The following ANKRD36C variants were observed in gnomAD, a reference collection of about 807,000 sequenced individuals.
ANKRD36C encodes ankyrin repeat domain 36C.
Under a neutral mutation model 276.4 loss-of-function variants are expected in ANKRD36C, and 61 were observed. The observed-to-expected ratio is 0.22, with a 90% CI of 0.18 to 0.27. The LOEUF (loss-of-function observed/expected upper bound fraction) is 0.27. ANKRD36C is among the 10% of genes least tolerant of loss of function. The pLI, the probability that ANKRD36C is intolerant of heterozygous loss-of-function variation, is 1.00. For synonymous variants in ANKRD36C, 483 were observed against 680.1 expected, an observed-to-expected ratio of 0.71 and a Z score of 4.51; for missense variants, 1,447 against 2,032.3, an observed-to-expected ratio of 0.71 and a Z score of 5.54.
chr2:95,904,430 T>TA (rs1297879227), intron 42 of ANKRD36C, among the ~76,000 whole-genome samples: 1 of 140,482 alleles, frequency 7.1e-6, no homozygotes, highest in Non-Finnish European at 1.5e-5. Flanking sequence ...GTAAAATCGA[T>TA]ACTTCCTCTC....
At chr2:95,984,243 A>C (rs1248093422) in intron 3 of ANKRD36C, among the ~76,000 whole-genome samples, 1 of 151,752 alleles carries the variant, frequency 6.6e-6, no homozygotes, top group Non-Finnish European at 1.5e-5. Flanking sequence ...GAGGCAAGGG[A>C]GATGACCTGA....
chr2:95,864,602 A>G (rs1675647449), intron 60 of ANKRD36C, among the ~76,000 whole-genome samples: 3 of 152,098 alleles, frequency 2.0e-5, no homozygotes, highest in African/African-American at 7.2e-5. Flanking sequence ...AAGTTTAAAA[A>G]AAGAAATAAA....
intron 13 of ANKRD36C, among the ~76,000 whole-genome samples, chr2:95,956,165 A>C (rs1214651554): frequency 6.6e-6 from 1 of 152,132 alleles, no homozygotes; most frequent in African/African-American, 2.4e-5. Context: ...TTATCATAAC[A>C]TGGTCTATAT....
chr2:95,858,339 T>G (rs1010049418), intron 61 of ANKRD36C, among the ~76,000 whole-genome samples: 12 of 152,248 alleles, frequency 7.9e-5, no homozygotes, highest in African/African-American at 2.9e-4. Context: ...TCTATGTTCT[T>G]AAATACTATT....
At chr2:95,946,214 A>G (rs2918889) in intron 17 of ANKRD36C, among the ~76,000 whole-genome samples, 2 of 151,654 alleles carry the variant, frequency 1.3e-5, no homozygotes, top group African/African-American at 2.4e-5. Context: ...CTGGAGAAAG[A>G]ATTTTTATTC....
chr2:95,946,634 A>G (rs1362694489), intron 17 of ANKRD36C, among the ~76,000 whole-genome samples: 1 of 149,174 alleles, frequency 6.7e-6, no homozygotes, highest in Non-Finnish European at 1.5e-5. Flanking sequence ...CATTATTCAC[A>G]ATAGCAAAGA....
chr2:95,912,902 G>A (rs1448064593), intron 40 of ANKRD36C, among the ~76,000 whole-genome samples: 14 of 151,100 alleles, frequency 9.3e-5, no homozygotes, highest in Non-Finnish European at 1.9e-4. Context: ...ACACAATTAC[G>A]ATGACACTTC....
chr2:95,860,107 A>ATC, intron 60 of ANKRD36C, 33 bp from the exon 81 acceptor site: 5 of 1,306,610 alleles, frequency 3.8e-6, no homozygotes, highest in Non-Finnish European at 5.3e-6. Flanking sequence ...TAGAGATAAA[A>ATC]TACATGAGTA....
At chr2:95,851,823 A>G (rs1452245213) in intron 65 of ANKRD36C, 36 bp from the exon 86 acceptor site, 4 of 1,508,740 alleles carry the variant, frequency 2.7e-6, no homozygotes, top group East Asian at 2.5e-5. Flanking sequence ...ACTCTCACAC[A>G]TAATTGTTTT....
chr2:95,874,766 T>C (rs62153670), intron 59 of ANKRD36C, among the ~76,000 whole-genome samples: 41,831 of 151,688 alleles, frequency 0.28, 6,444 homozygotes, highest in East Asian at 0.46. Context: ...GAGAAAATTT[T>C]TGCAACCTAC....
At chr2:95,857,112 A>G (rs1675432472) in intron 62 of ANKRD36C, among the ~76,000 whole-genome samples, 197 bp downstream of exon 82, 1 of 152,144 alleles carries the variant, frequency 6.6e-6, no homozygotes, top group South Asian at 2.1e-4. Flanking sequence ...CATTGTTTTC[A>G]AAAGGCCTTT....
chr2:95,914,125 C>A lies in ANKRD36C; in HGVS notation c.2534G>T (p.Gly845Val), dbSNP rs1414741948. 1.5e-5 allele frequency: 24 copies of A among 1,574,642 alleles called. No homozygotes were observed. The East Asian group carries it at 5.5e-4, about 36-fold the overall frequency. The stretch of plus-strand genomic sequence containing the variant: ...AAAATTACCTCTCCTAGTTTTTTCT[C>A]CATCCTCTTTTCCTCTGGCTATATT... Residue 845 changes from glycine (G) to valine (V), a missense_variant, in exon 40 of 67, where the codon GGA (glycine) becomes GTA (valine). Physicochemically the swap from Gly to Val is moderately radical, Grantham distance 109 (BLOSUM62 -3). This residue lies in a region of ANKRD36C where 565 missense variants were observed against 539.5 expected (regional missense o/e 1.05). Transcript: ENST00000456556.
intron 34 of ANKRD36C, 75 bp downstream of exon 36, chr2:95,919,658 C>CCCG: frequency 3.0e-6 from 2 of 657,588 alleles, no homozygotes; most frequent in Non-Finnish European, 3.7e-6. Flanking sequence ...ACCCACCCTC[C>CCCG]GCTGATTTAT....
At chr2:95,921,572 T>C (rs1677269516) in intron 34 of ANKRD36C, 35 bp downstream of exon 34, 2 of 1,587,790 alleles carry the variant, frequency 1.3e-6, no homozygotes, top group South Asian at 1.1e-5. Flanking sequence ...TCTATCTGGA[T>C]TGAACATGAC....
At chr2:95,956,599 C>T (rs142454455) in intron 13 of ANKRD36C, among the ~76,000 whole-genome samples, 187 bp downstream of exon 13, 393 of 133,198 alleles carry the variant, frequency 3.0e-3, no homozygotes, top group South Asian at 5.7e-3. Context: ...AGCAGAGTTG[C>T]CTAATTAGTA....
intron 59 of ANKRD36C, among the ~76,000 whole-genome samples, chr2:95,874,368 A>G (rs1301713191): frequency 6.6e-6 from 1 of 152,214 alleles, no homozygotes; most frequent in Non-Finnish European, 1.5e-5. Flanking sequence ...CCTCAGAAAT[A>G]ACGCCGCATA....
At chr2:95,858,060 G>A (rs537353797) in intron 61 of ANKRD36C, among the ~76,000 whole-genome samples, 65 of 152,074 alleles carry the variant, frequency 4.3e-4, no homozygotes, top group Non-Finnish European at 6.0e-4. Flanking sequence ...CCCCAGCTTT[G>A]AGTTGGCCTG....
rs182707855 is a variant in ANKRD36C, at chr2:95,910,508, C to A, written c.2653+1736G>T. On this transcript the variant is annotated intron_variant, in intron 42 of 66. Transcript: ENST00000456556. ...GTATGTTTCATAGACCATACATTAA[C>A]TCGTTCACAATATAAATGAGAGTTT... 1.7e-5 allele frequency: 28 copies of A among 1,604,540 alleles called. No homozygotes were observed. In the East Asian group the frequency reaches 6.3e-4, roughly 36 times the overall value.
exon 59 of ANKRD36C, chr2:95,876,484 C>G (rs1437720426): frequency 6.2e-7 from 1 of 1,608,342 alleles, no homozygotes. Flanking sequence ...TTTGCTCTCC[C>G]TCTGATGCCA....
Sources: allele counts gnomAD v4.1 joint callset (sites outside exome capture counted in the v4.1 genomes callset), GRCh38; gene constraint gnomAD v4.1.1; regional missense constraint gnomAD v4.1.1; transcripts MANE v1.5; gene names NCBI Gene and HGNC (gene_info 2026-07-23, HGNC 2026-07-21).